LGSN: variants seen among roughly 807,000 people sequenced by gnomAD.
LGSN encodes lengsin, lens protein with glutamine synthetase domain.
LGSN carries 21 observed loss-of-function variants against 19.5 expected under a neutral mutation model. That is an observed-to-expected ratio of 1.07 (90% CI 0.76 to 1.55). LGSN has a LOEUF of 1.55. Ranked by LOEUF, LGSN falls within the 40% of genes most tolerant of loss-of-function variation. The pLI is 0.00. For synonymous variants in LGSN, 257 were observed against 215.6 expected (o/e 1.19, Z -1.68); for missense variants, 673 against 608.5 (o/e 1.11, Z -1.12).
the LGSN span, among the ~76,000 whole-genome samples, chr6:63,365,445 A>G: frequency 6.8e-6 from 1 of 147,866 alleles, no homozygotes. Context: ...GCAGTAATTA[A>G]TAGCCTACCA....
the LGSN span, among the ~76,000 whole-genome samples, chr6:63,504,969 G>C: frequency 6.6e-6 from 1 of 152,124 alleles, no homozygotes; most frequent in Admixed American, 6.6e-5. Context: ...ATTCTTTTGA[G>C]TCATAGTGAA....
chr6:63,425,246 C>G, the LGSN span, among the ~76,000 whole-genome samples: 1 of 152,172 alleles, frequency 6.6e-6, no homozygotes, highest in Non-Finnish European at 1.5e-5. Flanking sequence ...TACTGTACAA[C>G]CCAGCAACTG....
At chr6:63,347,743 TA>T in the LGSN span, among the ~76,000 whole-genome samples, 1 of 152,236 alleles carries the variant, frequency 6.6e-6, no homozygotes, top group Non-Finnish European at 1.5e-5. Flanking sequence ...GTTCCATTCT[TA>T]TACTCAATTA....
chr6:63,527,147 A>C, the LGSN span, among the ~76,000 whole-genome samples: 4 of 152,136 alleles, frequency 2.6e-5, no homozygotes, highest in African/African-American at 9.7e-5. Context: ...CACATGTTGG[A>C]ACTGGCTTGG....
At chr6:63,553,228 T>C in the LGSN span, among the ~76,000 whole-genome samples, 1 of 152,202 alleles carries the variant, frequency 6.6e-6, no homozygotes, top group African/African-American at 2.4e-5. Context: ...TTTAACGTAA[T>C]CTGTTGATGA....
the LGSN span, among the ~76,000 whole-genome samples, chr6:63,415,053 C>T: frequency 6.6e-6 from 1 of 152,146 alleles, no homozygotes; most frequent in African/African-American, 2.4e-5. Flanking sequence ...CACAGTGGGA[C>T]GCGCCTGTAA....
At chr6:63,494,695 C>T in the LGSN span, among the ~76,000 whole-genome samples, 1 of 152,218 alleles carries the variant, frequency 6.6e-6, no homozygotes, top group Non-Finnish European at 1.5e-5. Context: ...CTCTTGAGCT[C>T]ACACAATCCT....
the LGSN span, among the ~76,000 whole-genome samples, chr6:63,497,003 A>G: frequency 6.6e-6 from 1 of 151,858 alleles, no homozygotes; most frequent in African/African-American, 2.4e-5. Context: ...ATATGTTTTT[A>G]TTTTTATTTT....
At chr6:63,380,606 A>G in the LGSN span, among the ~76,000 whole-genome samples, 1 of 152,134 alleles carries the variant, frequency 6.6e-6, no homozygotes, top group African/African-American at 2.4e-5. Flanking sequence ...TTACGGAAGG[A>G]GCATTTTTAT....
the LGSN span, among the ~76,000 whole-genome samples, chr6:63,520,630 CAAATAAAT>C: frequency 0.34 from 46,746 of 138,784 alleles, 7,822 homozygotes; most frequent in Admixed American, 0.41. Context: ...GACTCTGTCT[CAAATAAAT>C]AAATAAATAA....
chr6:63,461,962 A>AT, the LGSN span, among the ~76,000 whole-genome samples: 3 of 151,944 alleles, frequency 2.0e-5, no homozygotes, highest in Middle Eastern at 3.4e-3. Flanking sequence ...CCTGAGCTTC[A>AT]TTTTTTTTCT....
the LGSN span, among the ~76,000 whole-genome samples, chr6:63,325,864 C>T: frequency 6.6e-6 from 1 of 152,182 alleles, no homozygotes; most frequent in Non-Finnish European, 1.5e-5. Flanking sequence ...TTGCAAAGAG[C>T]GAAAGAACAA....
chr6:63,359,832 C>T, the LGSN span, among the ~76,000 whole-genome samples: 8 of 152,088 alleles, frequency 5.3e-5, no homozygotes, highest in Non-Finnish European at 8.8e-5. Context: ...TCTCTATTTC[C>T]TTCAGTTCTG....
chr6:63,406,684 T>G, the LGSN span, among the ~76,000 whole-genome samples: 20 of 151,896 alleles, frequency 1.3e-4, no homozygotes, highest in South Asian at 4.2e-4. Context: ...AATCAGAGCA[T>G]AACTGAAGGA....
At chr6:63,381,544 T>G in the LGSN span, among the ~76,000 whole-genome samples, 1 of 152,214 alleles carries the variant, frequency 6.6e-6, no homozygotes, top group East Asian at 1.9e-4. Context: ...TTCATAAAAA[T>G]TATCCAGTAA....
chr6:63,409,089 T>C, the LGSN span, among the ~76,000 whole-genome samples: 7 of 152,080 alleles, frequency 4.6e-5, no homozygotes, highest in South Asian at 2.1e-4. Flanking sequence ...TTTTAAAATA[T>C]TTTGTAGAGA....
the LGSN span, among the ~76,000 whole-genome samples, chr6:63,553,637 T>C: frequency 7.2e-5 from 11 of 152,334 alleles, no homozygotes; most frequent in East Asian, 1.5e-3. Context: ...AAGGAATGTG[T>C]AGCTTCCTGG....
intron 1 of LGSN, among the ~76,000 whole-genome samples, chr6:63,314,817 A>T (rs1768777524): frequency 6.6e-6 from 1 of 152,184 alleles, no homozygotes; most frequent in African/African-American, 2.4e-5. Flanking sequence ...CTCAAGAAAG[A>T]AAAATATCAA....
the LGSN span, among the ~76,000 whole-genome samples, chr6:63,412,575 G>GAAAGAAAGAAAGAAAGAAAGA: frequency 1.0e-4 from 9 of 90,128 alleles, no homozygotes; most frequent in African/African-American, 4.5e-4. Context: ...AGAAAGGAAG[G>GAAAGAAAGAAAGAAAGAAAGA]AAGGAAAGAA....
Sources: allele counts gnomAD v4.1 joint callset (sites outside exome capture counted in the v4.1 genomes callset), GRCh38; gene constraint gnomAD v4.1.1; transcripts MANE v1.5; gene names NCBI Gene and HGNC (gene_info 2026-07-23, HGNC 2026-07-21).